Variants in USP2 observed in about 807,000 individuals in gnomAD.
USP2 encodes ubiquitin carboxyl-terminal hydrolase 2.
USP2 carries 33 observed loss-of-function variants against 72.0 expected under a neutral mutation model. That is an observed-to-expected ratio of 0.46 (90% CI 0.35 to 0.61). USP2 has a LOEUF of 0.61. Ranked by LOEUF, USP2 falls within the 20% of genes least tolerant of loss-of-function variation. The probability of loss-of-function intolerance (pLI) is 0.01; values close to 1 mark genes in which losing one functional copy is unlikely to be tolerated. For synonymous variants in USP2, 296 were observed against 312.5 expected, an observed-to-expected ratio of 0.95 and a Z score of 0.56; for missense variants, 691 against 797.8, an observed-to-expected ratio of 0.87 and a Z score of 1.61.
At chr11:119,362,544 G>C (rs1434923194) in intron 2 of USP2, among the ~76,000 whole-genome samples, 1 of 152,114 alleles carries the variant, frequency 6.6e-6, no homozygotes, top group African/African-American at 2.4e-5. Context: ...GGGGGAGCAG[G>C]GCTGCTCCAT....
In USP2 at chr11:119,381,487, A is replaced by C; in HGVS notation, c.-56T>G. On this transcript the variant is annotated 5_prime_UTR_variant, in exon 1 of 13. Coordinates refer to ENST00000260187, the MANE Select transcript of USP2 (RefSeq NM_004205.5). ...GTGGCACGTACCTGCCTCTTCTTGGAGTATGGACGAGTCGAACCGGGCACA... is the reference window on the plus strand; with the variant it reads ...GTGGCACGTACCTGCCTCTTCTTGGCGTATGGACGAGTCGAACCGGGCACA... The C allele has an allele frequency of 6.5e-7, 1 of 1,536,104 alleles. No individual in the cohort carries two copies. Among genetic ancestry groups the C allele is most frequent in the Non-Finnish European group, 8.7e-7 (1 of 1,146,884 alleles).
chr11:119,373,500 TG>T lies in USP2; in HGVS notation c.-21del. On this transcript the variant is annotated 5_prime_UTR_variant, in exon 2 of 13. The change abolishes the stop of an existing upstream ORF in the 5' untranslated region. Transcript: ENST00000260187. ...GGACATCCTTCAGGGTGGCACTCAG[TG>T]GGGACTGGGAGCCTCATGGGCTGAA... 1 of 1,553,148 alleles carries T rather than the reference TG, an allele frequency of 6.4e-7. No homozygotes were observed. Among genetic ancestry groups the T allele is most frequent in the Non-Finnish European group, 8.6e-7 (1 of 1,156,562 alleles).
At chr11:119,359,397 T>C (rs914187113) in intron 4 of USP2, 55 bp from the exon 5 acceptor site, 4 of 1,585,762 alleles carry the variant, frequency 2.5e-6, no homozygotes, top group African/African-American at 1.4e-5. Context: ...TAAGAAACTC[T>C]GAAACTAGAA....
intron 2 of USP2, among the ~76,000 whole-genome samples, chr11:119,367,741 GCA>G (rs1167012954): frequency 1.2e-3 from 176 of 152,284 alleles, no homozygotes; most frequent in African/African-American, 4.1e-3. Context: ...TCCTTCTTTT[GCA>G]TGTGTCTCCG....
Position 119,356,695 on chromosome 11 carries a change from C to A in USP2, c.*140G>T, listed in dbSNP as rs1950657581. 2.4e-6 allele frequency: 2 copies of A among 850,518 alleles called. No homozygotes were observed. Among genetic ancestry groups the A allele is most frequent in the Middle Eastern group, 3.6e-4 (1 of 2,794 alleles). The allele number at this position is 850,518 out of a possible 1,614,324, so 52.7% of individuals were successfully genotyped here. A position where few individuals can be genotyped will look rare whatever the true frequency, so the allele number is the denominator to read the frequency against. Reference sequence around the variant, plus strand: ...GCTCCAGACCCTGATCAGGCTGCATCCACTCCTGCTCGGCAGCTTCAGGTT... The same window carrying A: ...GCTCCAGACCCTGATCAGGCTGCATACACTCCTGCTCGGCAGCTTCAGGTT... On this transcript the variant is annotated 3_prime_UTR_variant, in exon 13 of 13. Coordinates refer to ENST00000260187, the MANE Select transcript of USP2 (RefSeq NM_004205.5).
chr11:119,359,002 A>G, intron 6 of USP2, 22 bp downstream of exon 6: 2 of 1,612,724 alleles, frequency 1.2e-6, no homozygotes, highest in Admixed American at 3.3e-5. Flanking sequence ...TTGCTTTCCC[A>G]CAGCATTCTC....
intron 2 of USP2, among the ~76,000 whole-genome samples, chr11:119,362,673 A>G (rs1483561833): frequency 6.6e-6 from 1 of 152,178 alleles, no homozygotes; most frequent in Non-Finnish European, 1.5e-5. Flanking sequence ...CAGGACAAAC[A>G]ATCCTACCTC....
In USP2 at chr11:119,358,552, G is replaced by A. The variant is rs1950711211; in HGVS notation, c.1237+221C>T. 8.0e-6 allele frequency: 5 copies of A among 625,286 alleles called. No homozygotes were observed. The Admixed American group carries it at 1.2e-4, about 15-fold the overall frequency. The allele number at this position is 625,286 out of a possible 1,614,324, so 38.7% of individuals were successfully genotyped here. On this transcript the variant is annotated intron_variant, in intron 7 of 12. Transcript: ENST00000260187. The stretch of plus-strand genomic sequence containing the variant: ...GCTGGTCTTGAACTCCTGACCTCAG[G>A]TGATCTACCCGCCTTGGCCTCCCAA...
At position 119,373,148 on chromosome 11, in the gene USP2, G is replaced by A. The variant is rs201511955; in HGVS notation, c.333C>T (p.Ser111=). 1.1e-5 allele frequency: 17 copies of A among 1,614,098 alleles called. No homozygotes were observed. The highest frequency in any genetic ancestry group is 2.2e-5 in the East Asian group (1 of 44,882). Residue 111 remains serine, a synonymous_variant, in exon 2 of 13, where the codon AGC becomes AGT. Transcript: ENST00000260187. ...TGTTGGTCACTCCATAAGGGAATCC[G>A]CTGCCCCCGCTGAGGCCACTGCCTA... ...RPLGSGLSGG[S]GFPYGVTNNC... is the part of the protein sequence containing the mutation.
chr11:119,381,454 C>T lies in USP2; in HGVS notation c.-42+19G>A. On this transcript the variant is annotated intron_variant, in intron 1 of 12. Transcript: ENST00000260187. ...ATCCCCGAATCCCCCCTCCCGGATC[C>T]CCGACAGGTGGCACGTACCTGCCTC... is the stretch of plus-strand genomic sequence containing the variant. 6.5e-7 allele frequency: 1 copy of T among 1,535,908 alleles called. No homozygotes were observed. The highest frequency in any genetic ancestry group is 8.7e-7 in the Non-Finnish European group (1 of 1,146,770).
At chr11:119,373,592 C>T (rs2135408455) in intron 1 of USP2, 71 bp from the exon 2 acceptor site, 1 of 1,385,344 alleles carries the variant, frequency 7.2e-7, no homozygotes, top group East Asian at 2.5e-5. Flanking sequence ...TGCTCCCCAT[C>T]CTCAGCTGGG....
Position 119,372,778 on chromosome 11 carries a change from T to A in USP2, c.703A>T (p.Thr235Ser). ...TGACCCTTTCCCGTCTCCCACAGCG[T>A]GTAGCGGCCAATGGGTCGGTAGGTT... ...SPTYRPIGRYTLWETGKGQAP... is the reference protein window; with the variant it reads ...SPTYRPIGRYSLWETGKGQAP... The change falls in exon 2 of 13, where the codon ACG becomes TCG. Residue 235 changes from threonine (T) to serine (S), a missense_variant. Transcript: ENST00000260187. 1 of 1,588,630 alleles carries A rather than the reference T, an allele frequency of 6.3e-7. No homozygotes were observed. Among genetic ancestry groups the A allele is most frequent in the South Asian group, 1.2e-5 (1 of 85,796 alleles).
At chr11:119,371,838 A>C (rs2135405595) in intron 2 of USP2, among the ~76,000 whole-genome samples, 1 of 152,182 alleles carries the variant, frequency 6.6e-6, no homozygotes, top group Non-Finnish European at 1.5e-5. Context: ...CCATCCATCC[A>C]TTCATCCCTG....
At chr11:119,363,978 G>A (rs1463864906) in intron 2 of USP2, 2 of 1,227,814 alleles carry the variant, frequency 1.6e-6, no homozygotes, top group African/African-American at 3.2e-5. Flanking sequence ...GCAGGGTCAC[G>A]GTGTACGAGG....
intron 1 of USP2, among the ~76,000 whole-genome samples, chr11:119,378,740 T>C (rs895086029): frequency 6.6e-6 from 1 of 152,102 alleles, no homozygotes; most frequent in Non-Finnish European, 1.5e-5. Context: ...CAGGTAGTAT[T>C]GGGATCCTTA....
At chr11:119,367,420 C>T (rs1410573912) in intron 2 of USP2, among the ~76,000 whole-genome samples, 2 of 152,230 alleles carry the variant, frequency 1.3e-5, no homozygotes, top group Non-Finnish European at 2.9e-5. Context: ...GGTTTGGTGA[C>T]ACTGCTGGGG....
At chr11:119,364,369 C>T (rs941675985) in intron 2 of USP2, among the ~76,000 whole-genome samples, 3 of 152,040 alleles carry the variant, frequency 2.0e-5, no homozygotes, top group Non-Finnish European at 4.4e-5. Context: ...TCCCCGCGCT[C>T]CCCGGCGCCC....
chr11:119,372,331 T>G (rs1291148841), intron 2 of USP2, among the ~76,000 whole-genome samples: 1 of 152,088 alleles, frequency 6.6e-6, no homozygotes, highest in Non-Finnish European at 1.5e-5. Context: ...TGCCACAGGG[T>G]GCACTGGTGG....
intron 1 of USP2, chr11:119,380,772 C>T (rs145629117): frequency 8.9e-5 from 14 of 157,634 alleles, no homozygotes; most frequent in Middle Eastern, 1.0e-3. Flanking sequence ...ATCAGCTCTC[C>T]TTTCCTCTGC....
Sources: allele counts gnomAD v4.1 joint callset (sites outside exome capture counted in the v4.1 genomes callset), GRCh38; gene constraint gnomAD v4.1.1; transcripts MANE v1.5; gene names NCBI Gene and HGNC (gene_info 2026-07-23, HGNC 2026-07-21).